EXOC6: variants seen among roughly 807,000 people sequenced by gnomAD.
EXOC6 encodes the protein SEC15-like 1.
In EXOC6, 60 loss-of-function variants were observed where a neutral mutation model predicts 112.5. The ratio of observed to expected loss-of-function variants is 0.53; its 90% confidence interval spans 0.43 to 0.66. EXOC6 has a LOEUF of 0.66. Ranked by LOEUF, EXOC6 falls within the 30% of genes least tolerant of loss-of-function variation. The pLI, the probability that EXOC6 is intolerant of heterozygous loss-of-function variation, is 0.00. For synonymous variants in EXOC6, 295 were observed against 308.0 expected, an observed-to-expected ratio of 0.96 and a Z score of 0.44; for missense variants, 855 against 957.1, an observed-to-expected ratio of 0.89 and a Z score of 1.41.
intron 1 of EXOC6, among the ~76,000 whole-genome samples, chr10:92,843,231 A>C (rs1846921307): frequency 6.6e-6 from 1 of 152,170 alleles, no homozygotes; most frequent in African/African-American, 2.4e-5. Context: ...CTCCCAGACC[A>C]GCTGGGCTTT....
In EXOC6 at chr10:92,980,857, T is replaced by G. The variant is rs949568881; in HGVS notation, c.1953+6625T>G. Among the ~76,000 whole-genome samples the G allele has an allele frequency of 4.2e-4, 64 of 152,154 alleles. 1 individual carries two copies. The highest frequency in any genetic ancestry group is 1.3e-3 in the Admixed American group (20 of 15,278). ...AAGGAGGCAAAAATCACCTTTATCTTGTTAAAAGATCATCATTGTTTTAGC... is the reference window on the plus strand; with the variant it reads ...AAGGAGGCAAAAATCACCTTTATCTGGTTAAAAGATCATCATTGTTTTAGC... On this transcript the variant is annotated intron_variant, in intron 18 of 21. Transcript: ENST00000260762.
rs181428199 is a variant in EXOC6, at chr10:92,920,851, T to A, written c.888+801T>A. Among the ~76,000 whole-genome samples the A allele has an allele frequency of 5.9e-5, 9 of 152,346 alleles. No homozygotes were observed. The East Asian group carries it at 1.7e-3, about 29-fold the overall frequency. On this transcript the variant is annotated intron_variant, in intron 8 of 21. Transcript: ENST00000260762. The stretch of plus-strand genomic sequence containing the variant: ...TTAAAAAAATCATAAAATATCTTTC[T>A]TCATAATATTTTTTGTCTTAAGGTC...
chr10:92,926,812 C>T (rs971602148), intron 8 of EXOC6, among the ~76,000 whole-genome samples: 5 of 152,138 alleles, frequency 3.3e-5, no homozygotes, highest in Non-Finnish European at 7.4e-5. Flanking sequence ...GGGATTAAAG[C>T]GTGAGCTACT....
chr10:92,896,047 G>GTA (rs1161348531), intron 4 of EXOC6, among the ~76,000 whole-genome samples: 31 of 73,224 alleles, frequency 4.2e-4, no homozygotes, highest in East Asian at 3.9e-3. Flanking sequence ...ATATATATGT[G>GTA]TATATATATG....
chr10:92,833,190 T>C (rs1012658703), upstream of EXOC6, among the ~76,000 whole-genome samples: 3 of 152,218 alleles, frequency 2.0e-5, no homozygotes, highest in African/African-American at 7.2e-5. Context: ...AACAGTCATT[T>C]AGTATTGCTC....
At chr10:93,027,740 C>T (rs1473760425) in intron 20 of EXOC6, among the ~76,000 whole-genome samples, 1 of 152,168 alleles carries the variant, frequency 6.6e-6, no homozygotes, top group East Asian at 1.9e-4. Context: ...GAAAAGAATC[C>T]TTTCAAAATA....
chr10:92,960,667 C>G (rs1237225460), intron 17 of EXOC6, among the ~76,000 whole-genome samples: 1 of 150,902 alleles, frequency 6.6e-6, no homozygotes, highest in Non-Finnish European at 1.5e-5. Flanking sequence ...ACCGTAGAAG[C>G]CTTCCTCATT....
intron 1 of EXOC6, among the ~76,000 whole-genome samples, chr10:92,865,535 C>G (rs545125854): frequency 1.3e-5 from 2 of 150,106 alleles, no homozygotes; most frequent in African/African-American, 2.4e-5. Context: ...AGACGCCTCC[C>G]GGGCTCAAGC....
chr10:92,912,115 C>G (rs1330264116), intron 6 of EXOC6, among the ~76,000 whole-genome samples: 6 of 151,334 alleles, frequency 4.0e-5, no homozygotes, highest in Non-Finnish European at 8.8e-5. Flanking sequence ...TTTGGGTGCA[C>G]TCTGTATCCT....
At chr10:92,853,521 CTG>C (rs1589700484) in intron 1 of EXOC6, among the ~76,000 whole-genome samples, 1 of 152,178 alleles carries the variant, frequency 6.6e-6, no homozygotes, top group East Asian at 1.9e-4. Context: ...GAAATTAAGA[CTG>C]TGGTACTAGC....
chr10:92,910,257 G>T (rs1224364151), intron 6 of EXOC6, among the ~76,000 whole-genome samples: 1 of 152,160 alleles, frequency 6.6e-6, no homozygotes, highest in Non-Finnish European at 1.5e-5. Context: ...ATACACAAAT[G>T]GTGGTATATT....
chr10:93,049,516 T>C (rs1487048034), intron 20 of EXOC6, among the ~76,000 whole-genome samples: 1 of 152,208 alleles, frequency 6.6e-6, no homozygotes, highest in Non-Finnish European at 1.5e-5. Context: ...CTTGAAAATA[T>C]TATGCTTAAG....
At chr10:92,938,285 A>G (rs1251300291) in intron 12 of EXOC6, among the ~76,000 whole-genome samples, 1 of 152,158 alleles carries the variant, frequency 6.6e-6, no homozygotes, top group East Asian at 1.9e-4. Flanking sequence ...TGACTGGAGA[A>G]GTCAAACCAG....
intron 17 of EXOC6, among the ~76,000 whole-genome samples, chr10:92,970,782 A>G (rs1275310274): frequency 1.3e-5 from 2 of 152,218 alleles, no homozygotes; most frequent in African/African-American, 4.8e-5. Flanking sequence ...CAGGCATGCA[A>G]ATAGAAAGAT....
intron 19 of EXOC6, among the ~76,000 whole-genome samples, chr10:93,000,312 C>A (rs985215137): frequency 7.2e-5 from 11 of 152,162 alleles, no homozygotes; most frequent in Non-Finnish European, 1.6e-4. Context: ...TCTCTTACCT[C>A]TCTAGCCTAT....
At chr10:93,026,800 C>T (rs1051536711) in intron 20 of EXOC6, among the ~76,000 whole-genome samples, 6 of 152,140 alleles carry the variant, frequency 3.9e-5, no homozygotes, top group African/African-American at 1.2e-4. Context: ...CAGCTGTTCC[C>T]GTCTCTTCCT....
intron 19 of EXOC6, among the ~76,000 whole-genome samples, chr10:93,005,595 C>T (rs1214382401): frequency 6.6e-6 from 1 of 152,154 alleles, no homozygotes; most frequent in African/African-American, 2.4e-5. Context: ...AAAATACAGA[C>T]TATTTCCCAA....
chr10:92,947,466 C>T (rs1321585189), intron 13 of EXOC6, among the ~76,000 whole-genome samples: 9 of 152,164 alleles, frequency 5.9e-5, no homozygotes, highest in African/African-American at 4.8e-5. Flanking sequence ...ACTGTTTCTG[C>T]GTCACCAACT....
At chr10:92,927,140 A>T (rs1407641734) in intron 8 of EXOC6, among the ~76,000 whole-genome samples, 2 of 152,214 alleles carry the variant, frequency 1.3e-5, no homozygotes, top group African/African-American at 4.8e-5. Context: ...CTACTTAAGT[A>T]TAAAGAAAAT....
Sources: gnomAD v4.1 joint callset for allele counts (sites outside exome capture counted in the v4.1 genomes callset) on GRCh38, gnomAD v4.1.1 for gene constraint, MANE v1.5 for transcripts, NCBI Gene and HGNC (gene_info 2026-07-23, HGNC 2026-07-21) for gene names.